Variants in GPIHBP1 observed in about 807,000 individuals in gnomAD.
GPIHBP1 encodes the protein glycosylphosphatidylinositol anchored high density lipoprotein binding protein 1.
Under a neutral mutation model 13.0 loss-of-function variants are expected in GPIHBP1, and 11 were observed. The observed-to-expected ratio is 0.84, with a 90% CI of 0.53 to 1.40. The LOEUF (loss-of-function observed/expected upper bound fraction) is 1.40, where lower values mean the gene tolerates loss of function less well. Among genes scored for constraint, GPIHBP1 ranks in the 40% most tolerant of loss-of-function variants. The probability of loss-of-function intolerance (pLI) is 0.00; values close to 1 mark genes in which losing one functional copy is unlikely to be tolerated. For synonymous variants in GPIHBP1, 106 were observed against 102.2 expected (o/e 1.04, Z -0.22); for missense variants, 231 against 241.1 (o/e 0.96, Z 0.28).
rs1816296687 is a variant in GPIHBP1 at position 143,215,633 on chromosome 8, G to C, written c.*115G>C. ...TTGGAGAATGGATTTGGAGTGTCTTGGGCGATCCAGCCAGCGCAGGCCCCC... is the reference window on the plus strand; with the variant it reads ...TTGGAGAATGGATTTGGAGTGTCTTCGGCGATCCAGCCAGCGCAGGCCCCC... On this transcript the variant is annotated 3_prime_UTR_variant, in exon 4 of 4. Transcript: ENST00000622500. 2.1e-6 allele frequency: 2 copies of C among 945,142 alleles called. No homozygotes were observed. Among genetic ancestry groups the C allele is most frequent in the East Asian group, 5.3e-5 (2 of 37,840 alleles). The allele number at this position is 945,142 out of a possible 1,614,324, so 58.5% of individuals were successfully genotyped here.
chr8:143,213,502 C>T (rs1816251928), intron 1 of GPIHBP1, among the ~76,000 whole-genome samples, 183 bp downstream of exon 1: 2 of 151,900 alleles, frequency 1.3e-5, no homozygotes, highest in Admixed American at 1.3e-4. Context: ...TATCTGCGCC[C>T]CTGTTTATGT....
At position 143,214,432 on chromosome 8, in the gene GPIHBP1, G is replaced by C. The variant is rs1000816787; in HGVS notation, c.181+482G>C. 6.6e-6 allele frequency among the ~76,000 whole-genome samples: 1 copy of C among 151,998 alleles called. No homozygotes were observed. On this transcript the variant is annotated intron_variant, in intron 2 of 3. Transcript: ENST00000622500. This position sits in a 1 kb window ranked among gnomAD's most constrained non-coding sequence, Gnocchi z 4.1. ...GCCCACCTGACACACCCCTACACGT[G>C]GGCCACCCTCTGCTCTCTCCCATCC... is the stretch of plus-strand genomic sequence containing the variant.
Position 143,214,769 on chromosome 8 carries a change from C to T in GPIHBP1, c.182-244C>T, listed in dbSNP as rs1286018083. On this transcript the variant is annotated intron_variant, in intron 2 of 3. Transcript: ENST00000622500. This position sits in a 1 kb window ranked among gnomAD's most constrained non-coding sequence, Gnocchi z 4.1. ...GAGCCTGGGCAGCATTGTCGCAGGA[C>T]GTGAGTGATGATGGGAAGTTCGCCC... 6.6e-6 allele frequency among the ~76,000 whole-genome samples: 1 copy of T among 152,198 alleles called. No homozygotes were observed. The highest frequency in any genetic ancestry group is 1.5e-5 in the Non-Finnish European group (1 of 68,036).
Position 143,215,072 on chromosome 8 carries a change from C to A in GPIHBP1, c.241C>A (p.Gln81Lys). 1 of 1,611,314 alleles carries A rather than the reference C, an allele frequency of 6.2e-7. No individual in the cohort carries two copies. Among genetic ancestry groups the A allele is most frequent in the Non-Finnish European group, 8.5e-7 (1 of 1,179,294 alleles). The change falls in exon 3 of 4, where the codon CAG becomes AAG. Residue 81 changes from glutamine (Q) to lysine (K), a missense_variant. Transcript: ENST00000622500. The part of the protein sequence containing the change: ...LPRDERCNLT[Q>K]NCSHGQTCTT... ...CAGGGACGAGCGCTGCAACCTGACGCAGAACTGCTCACATGGCCAGACCTG... is the reference window on the plus strand; with the variant it reads ...CAGGGACGAGCGCTGCAACCTGACGAAGAACTGCTCACATGGCCAGACCTG...
In GPIHBP1 at chr8:143,215,898, C is replaced by T. The variant is rs80113655; in HGVS notation, c.*380C>T. The T allele has an allele frequency of 0.16, 40,803 of 257,178 alleles. 3,781 individuals carry two copies. The highest frequency in any genetic ancestry group is 0.19 in the Admixed American group (3,793 of 20,278). The allele number at this position is 257,178 out of a possible 1,614,324, so 15.9% of individuals were successfully genotyped here. ...ACCCTTAACTTCTGCCATGGGAATTCCTCCATCTGCAGCGGTCACACGGGC... is the reference window on the plus strand; with the variant it reads ...ACCCTTAACTTCTGCCATGGGAATTTCTCCATCTGCAGCGGTCACACGGGC... On this transcript the variant is annotated 3_prime_UTR_variant, in exon 4 of 4. Coordinates refer to ENST00000622500, the MANE Select transcript of GPIHBP1 (RefSeq NM_178172.6).
In GPIHBP1 at chr8:143,214,167, G is replaced by A. The variant is rs1816264687; in HGVS notation, c.181+217G>A. Among the ~76,000 whole-genome samples, 2 of 152,118 alleles carry A rather than the reference G, an allele frequency of 1.3e-5. No individual in the cohort carries two copies. The highest frequency in any genetic ancestry group is 1.3e-4 in the Admixed American group (2 of 15,280). On this transcript the variant is annotated intron_variant, in intron 2 of 3. Coordinates refer to ENST00000622500, the MANE Select transcript of GPIHBP1 (RefSeq NM_178172.6). This position sits in a 1 kb window ranked among gnomAD's most constrained non-coding sequence, Gnocchi z 4.1. ...AAGAAGCCACCAGCTGGGAGGGTCA[G>A]TGGTGCCAGGATGTAGAGGTTAAAT...
chr8:143,215,764 T>G lies in GPIHBP1; in HGVS notation c.*246T>G. The G allele has an allele frequency of 1.7e-6, 1 of 575,688 alleles. No individual in the cohort carries two copies. The highest frequency in any genetic ancestry group is 2.2e-5 in the South Asian group (1 of 46,414). 35.7% of individuals were successfully genotyped at this position (575,688 alleles called of 1,614,324 possible). A position where few individuals can be genotyped will look rare whatever the true frequency, so the allele number is the denominator to read the frequency against. On this transcript the variant is annotated 3_prime_UTR_variant, in exon 4 of 4. Transcript: ENST00000622500. ...GTGGGCGCTGGGTCCAGACCTCGGC[T>G]GCCACGCCCCAGGACCTGCAGCCCT...
intron 1 of GPIHBP1, 129 bp downstream of exon 1, chr8:143,213,448 G>A: frequency 2.5e-6 from 2 of 804,918 alleles, no homozygotes; most frequent in Non-Finnish European, 4.0e-6. Flanking sequence ...CCAGCCCAGA[G>A]CAGCATGGAT....
chr8:143,213,691 G>C, intron 1 of GPIHBP1, 131 bp from the exon 2 acceptor site: 1 of 1,208,774 alleles, frequency 8.3e-7, no homozygotes, highest in Non-Finnish European at 1.2e-6. Context: ...CAGGGTAGGG[G>C]CCCTCCCCAG....
Position 143,213,916 on chromosome 8 carries a change from G to A in GPIHBP1, c.147G>A (p.Glu49=), listed in dbSNP as rs1816260827. 6.4e-7 allele frequency: 1 copy of A among 1,551,662 alleles called. No homozygotes were observed. Among genetic ancestry groups the A allele is most frequent in the African/African-American group, 1.4e-5 (1 of 73,156 alleles). ...DEEDEDEVEE[E]ETNRLPGGRS... is the part of the protein sequence containing the mutation. ...AAGATGAGGATGAGGTGGAAGAGGA[G>A]GAGACCAACAGGCTCCCTGGTGGCA... The change falls in exon 2 of 4, where the codon GAG becomes GAA. Residue 49 remains glutamate (E), a synonymous_variant. Coordinates refer to ENST00000622500, the MANE Select transcript of GPIHBP1 (RefSeq NM_178172.6).
chr8:143,215,839 A>T lies in GPIHBP1; in HGVS notation c.*321A>T. The T allele has an allele frequency of 2.3e-6, 1 of 434,120 alleles. No homozygotes were observed. The highest frequency in any genetic ancestry group is 3.5e-5 in the South Asian group (1 of 28,892). The allele number at this position is 434,120 out of a possible 1,614,324, so 26.9% of individuals were successfully genotyped here. On this transcript the variant is annotated 3_prime_UTR_variant, in exon 4 of 4. Transcript: ENST00000622500. ...GCACAGCCAGGCAGAGATGATACCC[A>T]CCACACACCTGGGGGCCCCCACACC...
Position 143,215,242 on chromosome 8 carries a change from C to A in GPIHBP1, c.296-17C>A, listed in dbSNP as rs536657163. The A allele has an allele frequency of 2.5e-6, 4 of 1,613,048 alleles. No homozygotes were observed. Among genetic ancestry groups the A allele is most frequent in the East Asian group, 4.5e-5 (2 of 44,874 alleles). On this transcript the variant is annotated splice_polypyrimidine_tract_variant and intron_variant, in intron 3 of 3. Coordinates refer to ENST00000622500, the MANE Select transcript of GPIHBP1 (RefSeq NM_178172.6). ...CCCCGCCCATCCTCAGCACTTGTTC[C>A]CCACTCCCCTTCCCAGAGTCAGGCC...
Position 143,213,943 on chromosome 8 carries a change from G to A in GPIHBP1, c.174G>A (p.Arg58=), listed in dbSNP as rs1816261529. The A allele has an allele frequency of 1.3e-6, 2 of 1,551,084 alleles. No individual in the cohort carries two copies. The highest frequency in any genetic ancestry group is 1.4e-5 in the African/African-American group (1 of 73,030). The change falls in exon 2 of 4, where the codon AGG becomes AGA. Residue 58 remains arginine, a synonymous_variant. Transcript: ENST00000622500. ...EEETNRLPGG[R]SRVLLRCYTC... ...AGACCAACAGGCTCCCTGGTGGCAG[G>A]AGCAGAGGTATGGCCGCCCCAACCC... is the stretch of plus-strand genomic sequence containing the variant.
Position 143,213,459 on chromosome 8 carries a change from G to A in GPIHBP1, c.52+140G>A, listed in dbSNP as rs74880494. ...GTCCCCAGCCCAGAGCAGCATGGAT[G>A]GAAGCTGGCCTGGGTCCCCGAGAGT... On this transcript the variant is annotated intron_variant, in intron 1 of 3. Transcript: ENST00000622500. 86,283 of 767,380 alleles carry A rather than the reference G, an allele frequency of 0.11. 5,493 individuals carry two copies. Among genetic ancestry groups the A allele is most frequent in the South Asian group, 0.13 (7,965 of 62,328 alleles). The allele number at this position is 767,380 out of a possible 1,614,324, so 47.5% of individuals were successfully genotyped here.
Position 143,213,812 on chromosome 8 carries a change from G to A in GPIHBP1, c.53-10G>A, listed in dbSNP as rs1234805316. ...GTAGCTGAGGCTTACAAGCATCCCT[G>A]CACGGCCAGGGAGAGGGCAGACACA... On this transcript the variant is annotated splice_polypyrimidine_tract_variant and intron_variant, in intron 1 of 3. Coordinates refer to ENST00000622500, the MANE Select transcript of GPIHBP1 (RefSeq NM_178172.6). 1 of 1,572,858 alleles carries A rather than the reference G, an allele frequency of 6.4e-7. No individual in the cohort carries two copies. The highest frequency in any genetic ancestry group is 8.6e-7 in the Non-Finnish European group (1 of 1,159,708).
At position 143,216,943 on chromosome 8, in the gene GPIHBP1, G is replaced by C. The variant is rs1248364704; in HGVS notation, c.*1425G>C. The C allele has an allele frequency of 6.6e-6, 1 of 152,208 alleles. No homozygotes were observed. Among genetic ancestry groups the C allele is most frequent in the Non-Finnish European group, 1.5e-5 (1 of 68,064 alleles). 9.4% of individuals were successfully genotyped at this position (152,208 alleles called of 1,614,324 possible). On this transcript the variant is annotated 3_prime_UTR_variant, in exon 4 of 4. Transcript: ENST00000622500. ...CACACAATGCCTAGCTGGGGGGTCG[G>C]AAGGCAAATGCCCTAGATGGTGGGG...
intron 1 of GPIHBP1, 55 bp from the exon 2 acceptor site, chr8:143,213,767 C>A: frequency 6.4e-7 from 1 of 1,571,340 alleles, no homozygotes; most frequent in Non-Finnish European, 8.6e-7. Context: ...TTGCCCAGAG[C>A]AGGTGTCCTC....
Position 143,214,871 on chromosome 8 carries a change from G to A in GPIHBP1, c.182-142G>A, listed in dbSNP as rs993057934. On this transcript the variant is annotated intron_variant, in intron 2 of 3. Transcript: ENST00000622500. The surrounding 1 kb of genome is among the most constrained non-coding windows in gnomAD (Gnocchi z 4.1). ...CACAGCTTACAGGACCAAGTCAGGG[G>A]TCGCCCGCCCATCTGAGCAGTGGGT... 1 of 641,130 alleles carries A rather than the reference G, an allele frequency of 1.6e-6. No homozygotes were observed. Among genetic ancestry groups the A allele is most frequent in the Non-Finnish European group, 2.8e-6 (1 of 357,986 alleles). The allele number at this position is 641,130 out of a possible 1,614,324, so 39.7% of individuals were successfully genotyped here. A position where few individuals can be genotyped will look rare whatever the true frequency, so the allele number is the denominator to read the frequency against.
At position 143,215,694 on chromosome 8, in the gene GPIHBP1, T is replaced by C; in HGVS notation, c.*176T>C. On this transcript the variant is annotated 3_prime_UTR_variant, in exon 4 of 4. Coordinates refer to ENST00000622500, the MANE Select transcript of GPIHBP1 (RefSeq NM_178172.6). ...GCTTCCTCAGTTCCCGGCTGTGTCC[T>C]TGGTGTCCTTTCTCCACCACCTGTG... 4.9e-6 allele frequency: 3 copies of C among 618,258 alleles called. No homozygotes were observed. Among genetic ancestry groups the C allele is most frequent in the Admixed American group, 2.9e-5 (1 of 34,058 alleles). 38.3% of individuals were successfully genotyped at this position (618,258 alleles called of 1,614,324 possible).
Sources: gnomAD v4.1 joint callset for allele counts (sites outside exome capture counted in the v4.1 genomes callset) on GRCh38, gnomAD v4.1.1 for gene constraint, Gnocchi (gnomAD v3.1) non-coding constraint, MANE v1.5 for transcripts, NCBI Gene and HGNC (gene_info 2026-07-23, HGNC 2026-07-21) for gene names.